Variants in KCNH8 observed in about 807,000 individuals in gnomAD.
KCNH8 encodes the protein potassium voltage-gated channel subfamily H member 8.
In KCNH8, 70 loss-of-function variants were observed where a neutral mutation model predicts 103.6. That is an observed-to-expected ratio of 0.68 (90% CI 0.56 to 0.82). The LOEUF (loss-of-function observed/expected upper bound fraction) is 0.82, where lower values mean the gene tolerates loss of function less well. KCNH8 is among the 40% of genes least tolerant of loss of function. The pLI, the probability that KCNH8 is intolerant of heterozygous loss-of-function variation, is 0.00. For missense variants in KCNH8, 1,217 were observed against 1,329.9 expected (o/e 0.92, Z 1.32); for synonymous variants, 498 against 489.4 (o/e 1.02, Z -0.23).
rs146706083 is a variant in KCNH8 at position 19,358,105 on chromosome 3, G to T, written c.811+10140G>T. 2.0e-5 allele frequency among the ~76,000 whole-genome samples: 3 copies of T among 151,952 alleles called. No homozygotes were observed. In the East Asian group the frequency reaches 5.8e-4, roughly 29 times the overall value. On this transcript the variant is annotated intron_variant, in intron 5 of 15. Transcript: ENST00000328405. Reference sequence around the variant, plus strand: ...GCAACAGTAGAGGCCAAAAGGCAATGAACAATATCTGGCTTACTAGAAAAA... The same window carrying T: ...GCAACAGTAGAGGCCAAAAGGCAATTAACAATATCTGGCTTACTAGAAAAA...
chr3:19,317,250 T>C (rs995483670), intron 3 of KCNH8, among the ~76,000 whole-genome samples: 4 of 151,972 alleles, frequency 2.6e-5, no homozygotes, highest in African/African-American at 9.7e-5. Context: ...CTACAAATTA[T>C]TAAGGCTGAC....
intron 5 of KCNH8, among the ~76,000 whole-genome samples, chr3:19,379,221 A>G (rs1451928200): frequency 6.6e-6 from 1 of 152,238 alleles, no homozygotes; most frequent in East Asian, 1.9e-4. Flanking sequence ...AAAGTACATG[A>G]CCAGTGGCAA....
At chr3:19,477,011 G>A (rs916490322) in intron 11 of KCNH8, among the ~76,000 whole-genome samples, 7 of 152,138 alleles carry the variant, frequency 4.6e-5, no homozygotes, top group African/African-American at 1.4e-4. Flanking sequence ...TGAAGGGACT[G>A]AGAAAGAAAA....
chr3:19,352,622 C>T (rs1374264584), intron 5 of KCNH8, among the ~76,000 whole-genome samples: 1 of 152,148 alleles, frequency 6.6e-6, no homozygotes, highest in African/African-American at 2.4e-5. Flanking sequence ...ACAATGTGCT[C>T]CTGAATGACT....
intron 11 of KCNH8, among the ~76,000 whole-genome samples, chr3:19,475,882 C>CA (rs1260231268): frequency 6.6e-6 from 1 of 152,130 alleles, no homozygotes; most frequent in Non-Finnish European, 1.5e-5. Flanking sequence ...CGAATTCTCT[C>CA]AAAGACTTGT....
At chr3:19,248,368 G>A (rs1292720137) in intron 1 of KCNH8, among the ~76,000 whole-genome samples, 3 of 152,104 alleles carry the variant, frequency 2.0e-5, no homozygotes, top group Non-Finnish European at 4.4e-5. Context: ...GACCACAGAA[G>A]TTACTGTCCT....
At chr3:19,288,737 T>TA (rs2064873222) in intron 3 of KCNH8, among the ~76,000 whole-genome samples, 1 of 152,184 alleles carries the variant, frequency 6.6e-6, no homozygotes, top group Non-Finnish European at 1.5e-5. Flanking sequence ...ATCCTTTGGT[T>TA]ATATACCCAG....
Position 19,159,091 on chromosome 3 carries a change from T to A in KCNH8, c.76+10296T>A, listed in dbSNP as rs181199909. 5.3e-3 allele frequency among the ~76,000 whole-genome samples: 800 copies of A among 152,052 alleles called. 8 individuals carry two copies. Among genetic ancestry groups the A allele is most frequent in the African/African-American group, 0.018 (742 of 41,560 alleles). On this transcript the variant is annotated intron_variant, in intron 1 of 15. Transcript: ENST00000328405. ...CTTTATTAGAAGACTTTGTAATGTA[T>A]TCCTATTTCATTAAGCCTTTTTATC... is the stretch of plus-strand genomic sequence containing the variant.
At chr3:19,381,514 A>C (rs2066287760) in intron 5 of KCNH8, among the ~76,000 whole-genome samples, 1 of 152,184 alleles carries the variant, frequency 6.6e-6, no homozygotes, top group African/African-American at 2.4e-5. Flanking sequence ...TTATGTGAAA[A>C]TATAGCACAA....
At chr3:19,249,085 A>G (rs971798656) in intron 1 of KCNH8, among the ~76,000 whole-genome samples, 1 of 152,264 alleles carries the variant, frequency 6.6e-6, no homozygotes. Context: ...GCCATGTGGC[A>G]TTTAGATGCA....
In KCNH8 at chr3:19,533,339, G is replaced by A. The variant is rs986878799; in HGVS notation, c.2620-56G>A. 1.8e-5 allele frequency: 18 copies of A among 1,019,534 alleles called. No homozygotes were observed. The African/African-American group carries it at 2.5e-4, about 14-fold the overall frequency. 63.2% of individuals were successfully genotyped at this position (1,019,534 alleles called of 1,614,324 possible). ...CTTCCCTGCTTCATTTCTCTGAAAT[G>A]TGGTCACTACTATGCACCTCTAACT... On this transcript the variant is annotated intron_variant, in intron 15 of 15. Coordinates refer to ENST00000328405, the MANE Select transcript of KCNH8 (RefSeq NM_144633.3).
rs753285058 is a variant in KCNH8, at chr3:19,513,178, T to C, written c.2288T>C (p.Phe763Ser). 3.7e-6 allele frequency: 6 copies of C among 1,613,904 alleles called. No individual in the cohort carries two copies. The South Asian group carries it at 6.6e-5, about 18-fold the overall frequency. Reference sequence around the variant, plus strand: ...CAACTGGCCTCGGGAACGGTGCCCTTTCACTCGCCTATCAGAGTCTCCAGG... The same window carrying C: ...CAACTGGCCTCGGGAACGGTGCCCTCTCACTCGCCTATCAGAGTCTCCAGG... ...LKQLASGTVP[F>S]HSPIRVSRSN... is the part of the protein sequence containing the mutation. The change falls in exon 13 of 16, where the codon TTT becomes TCT. Residue 763 changes from phenylalanine to serine, a missense_variant. By Grantham distance (155) the Phe-to-Ser change is radical. Coordinates refer to ENST00000328405, the MANE Select transcript of KCNH8 (RefSeq NM_144633.3).
At position 19,283,378 on chromosome 3, in the gene KCNH8, C is replaced by A. The variant is rs190852920; in HGVS notation, c.442+2049C>A. Among the ~76,000 whole-genome samples, 415 of 152,214 alleles carry A rather than the reference C, an allele frequency of 2.7e-3. 2 individuals carry two copies. Among genetic ancestry groups the A allele is most frequent in the African/African-American group, 9.3e-3 (385 of 41,542 alleles). On this transcript the variant is annotated intron_variant, in intron 3 of 15. Transcript: ENST00000328405. ...GGAACATGTACAATGTAAAGACTATCTCTTGCAAGATTTAAATAAAAAATA... is the reference window on the plus strand; with the variant it reads ...GGAACATGTACAATGTAAAGACTATATCTTGCAAGATTTAAATAAAAAATA...
chr3:19,176,906 A>G (rs1205385694), intron 1 of KCNH8, among the ~76,000 whole-genome samples: 6 of 152,174 alleles, frequency 3.9e-5, no homozygotes, highest in Admixed American at 2.6e-4. Context: ...CAAACAATCA[A>G]TACATAACCT....
At chr3:19,492,477 G>A (rs1259040999) in intron 11 of KCNH8, among the ~76,000 whole-genome samples, 2 of 152,030 alleles carry the variant, frequency 1.3e-5, no homozygotes, top group Non-Finnish European at 2.9e-5. Flanking sequence ...GAAGGTGAGA[G>A]GTTTTAAACA....
At chr3:19,155,532 G>A (rs1212975175) in intron 1 of KCNH8, among the ~76,000 whole-genome samples, 1 of 152,004 alleles carries the variant, frequency 6.6e-6, no homozygotes, top group Non-Finnish European at 1.5e-5. Context: ...CCATCCGTTG[G>A]CTCCCTGCTG....
chr3:19,212,636 C>T (rs1386095272), intron 1 of KCNH8, among the ~76,000 whole-genome samples: 2 of 152,096 alleles, frequency 1.3e-5, no homozygotes, highest in South Asian at 4.1e-4. Flanking sequence ...TCTTCTTTTG[C>T]CTTAGCTTAT....
At chr3:19,200,333 T>C (rs1263296333) in intron 1 of KCNH8, among the ~76,000 whole-genome samples, 1 of 152,122 alleles carries the variant, frequency 6.6e-6, no homozygotes, top group African/African-American at 2.4e-5. Context: ...TTTATGTGTC[T>C]GTTTTTAAAG....
At position 19,169,327 on chromosome 3, in the gene KCNH8, T is replaced by C. The variant is rs576222785; in HGVS notation, c.76+20532T>C. The stretch of plus-strand genomic sequence containing the variant: ...AGGCTGGAGTGCAGTGGCGCGATCT[T>C]GGCTCACTGCAAGCTCCGCCTCCCG... On this transcript the variant is annotated intron_variant, in intron 1 of 15. Transcript: ENST00000328405. Among the ~76,000 whole-genome samples, 598 of 151,258 alleles carry C rather than the reference T, an allele frequency of 4.0e-3. 3 individuals are homozygous for C. The highest frequency in any genetic ancestry group is 0.015 in the South Asian group (72 of 4,746).
Sources: gnomAD v4.1 joint callset for allele counts (sites outside exome capture counted in the v4.1 genomes callset) on GRCh38, gnomAD v4.1.1 for gene constraint, MANE v1.5 for transcripts, NCBI Gene and HGNC (gene_info 2026-07-23, HGNC 2026-07-21) for gene names.